CDHR3: variants seen among roughly 807,000 people sequenced by gnomAD.
The protein encoded by CDHR3 is cadherin-related family member 3.
A neutral mutation model predicts 86.6 loss-of-function variants in CDHR3; 79 were observed. That is an observed-to-expected ratio of 0.91 (90% CI 0.76 to 1.10). The LOEUF (loss-of-function observed/expected upper bound fraction) is 1.10, where lower values mean the gene tolerates loss of function less well. Among genes scored for constraint, CDHR3 ranks in the 50% least tolerant of loss-of-function variants. The probability of loss-of-function intolerance (pLI) is 0.00; values close to 1 mark genes in which losing one functional copy is unlikely to be tolerated. For missense variants in CDHR3, 1,081 were observed against 1,077.6 expected (o/e 1.00, Z -0.04); for synonymous variants, 421 against 402.4 (o/e 1.05, Z -0.55).
chr7:105,976,207 G>T lies in CDHR3; in HGVS notation c.249+1161G>T, dbSNP rs147079229. ...TTGGTTCCTGTAAGCCTTGTCAATTGCTTACCCTTATAGAGCACGTTGTGT... is the reference window on the plus strand; with the variant it reads ...TTGGTTCCTGTAAGCCTTGTCAATTTCTTACCCTTATAGAGCACGTTGTGT... On this transcript the variant is annotated intron_variant, in intron 2 of 18. Coordinates refer to ENST00000317716, the MANE Select transcript of CDHR3 (RefSeq NM_152750.5). Among the ~76,000 whole-genome samples, 32 of 152,298 alleles carry T rather than the reference G, an allele frequency of 2.1e-4. 1 individual carries two copies. The East Asian group carries it at 6.2e-3, about 29-fold the overall frequency.
rs376727941 is a variant in CDHR3, at chr7:106,032,509, G to A, written c.2470G>A (p.Val824Ile). 1 of 1,614,048 alleles carries A rather than the reference G, an allele frequency of 6.2e-7. No individual in the cohort carries two copies. Among genetic ancestry groups the A allele is most frequent in the African/African-American group, 1.3e-5 (1 of 75,058 alleles). The change falls in exon 19 of 19, where the codon GTC (valine) becomes ATC (isoleucine). Residue 824 changes from valine to isoleucine, a missense_variant. Physicochemically the swap from Val to Ile is conservative, Grantham distance 29. Coordinates refer to ENST00000317716, the MANE Select transcript of CDHR3 (RefSeq NM_152750.5). The part of the protein sequence containing the change: ...SSHQGAAPRR[V>I]TAGEGMGSLR... ...CCACCAGGGAGCTGCCCCACGCAGA[G>A]TCACTGCTGGGGAAGGGATGGGGTC...
At position 106,015,844 on chromosome 7, in the gene CDHR3, A is replaced by C. The variant is rs757765318; in HGVS notation, c.1328-83A>C. The C allele has an allele frequency of 1.2e-5, 12 of 1,031,554 alleles. No homozygotes were observed. The South Asian group carries it at 1.6e-4, about 14-fold the overall frequency. 63.9% of individuals were successfully genotyped at this position (1,031,554 alleles called of 1,614,324 possible). A position where few individuals can be genotyped will look rare whatever the true frequency, so the allele number is the denominator to read the frequency against. On this transcript the variant is annotated intron_variant, in intron 10 of 18. Coordinates refer to ENST00000317716, the MANE Select transcript of CDHR3 (RefSeq NM_152750.5). Reference sequence around the variant, plus strand: ...TATCCCCTATGCGCAAAGCCTGTACACAGGAGATTCTTTAAAGATGTTGAA... The same window carrying C: ...TATCCCCTATGCGCAAAGCCTGTACCCAGGAGATTCTTTAAAGATGTTGAA...
At chr7:105,971,278 C>CCCTG (rs1297626428) in intron 1 of CDHR3, among the ~76,000 whole-genome samples, 5 of 152,096 alleles carry the variant, frequency 3.3e-5, no homozygotes, top group Admixed American at 2.6e-4. Context: ...CACGGCCTTG[C>CCCTG]CCTGGGAAGA....
chr7:106,007,215 A>G (rs1300448438), intron 8 of CDHR3, among the ~76,000 whole-genome samples: 1 of 152,172 alleles, frequency 6.6e-6, no homozygotes, highest in African/African-American at 2.4e-5. Flanking sequence ...TCTTCCTCCT[A>G]AACCTCTGGG....
Position 105,980,585 on chromosome 7 carries a change from GT to G in CDHR3, c.250-363del, listed in dbSNP as rs56057580. ...GGAGCCTACCCCCAAGTAGTGGAAG[GT>G]TTTTTTTTTTTTTTTTTTTAATTTT... On this transcript the variant is annotated intron_variant, in intron 2 of 18. Transcript: ENST00000317716. 5.9e-3 allele frequency among the ~76,000 whole-genome samples: 620 copies of G among 105,432 alleles called. 8 individuals are homozygous for G. Among genetic ancestry groups the G allele is most frequent in the African/African-American group, 0.021 (578 of 27,294 alleles). The allele number at this position is 105,432 out of a possible 152,430, so 69.2% of individuals were successfully genotyped here. A position where few individuals can be genotyped will look rare whatever the true frequency, so the allele number is the denominator to read the frequency against.
chr7:106,023,953 G>T (rs1001211114), intron 14 of CDHR3, among the ~76,000 whole-genome samples: 1 of 152,116 alleles, frequency 6.6e-6, no homozygotes, highest in Non-Finnish European at 1.5e-5. Context: ...CACTGCTCTG[G>T]CAGTGGCAGC....
chr7:106,027,075 C>A (rs1396198634), intron 16 of CDHR3, among the ~76,000 whole-genome samples: 1 of 152,160 alleles, frequency 6.6e-6, no homozygotes, highest in East Asian at 1.9e-4. Context: ...ACAGCTAATG[C>A]TTTGTGCTGG....
At chr7:106,022,521 C>A in intron 14 of CDHR3, 73 bp downstream of exon 14, 1 of 1,561,290 alleles carries the variant, frequency 6.4e-7, no homozygotes, top group South Asian at 1.2e-5. Flanking sequence ...CTTTCCCCGG[C>A]CTGGAGGTAT....
rs139232828 is a variant in CDHR3 at position 105,993,844 on chromosome 7, C to T, written c.514-907C>T. 5.5e-3 allele frequency among the ~76,000 whole-genome samples: 844 copies of T among 152,248 alleles called. 8 individuals carry two copies. The highest frequency in any genetic ancestry group is 0.019 in the African/African-American group (798 of 41,538). Reference sequence around the variant, plus strand: ...CACGGGCATGGTCTTCCTATGGGCTCACCCTCAGCGGGCTGTACACATAAA... The same window carrying T: ...CACGGGCATGGTCTTCCTATGGGCTTACCCTCAGCGGGCTGTACACATAAA... On this transcript the variant is annotated intron_variant, in intron 4 of 18. Transcript: ENST00000317716.
At chr7:106,018,768 G>A (rs553258217) in intron 12 of CDHR3, among the ~76,000 whole-genome samples, 1 of 152,180 alleles carries the variant, frequency 6.6e-6, no homozygotes, top group Non-Finnish European at 1.5e-5. Flanking sequence ...CAGTTATGCC[G>A]TGTTCCTACC....
chr7:105,984,259 A>C lies in CDHR3; in HGVS notation c.483A>C (p.Pro161=), dbSNP rs987529597. 1.2e-6 allele frequency: 2 copies of C among 1,610,376 alleles called. No individual in the cohort carries two copies. Among genetic ancestry groups the C allele is most frequent in the African/African-American group, 2.7e-5 (2 of 74,904 alleles). ...TTTACCAGGTTGAGGCCTTCGATCCAGAAGACACAAGCCGAAACATTCCCC... is the reference window on the plus strand; with the variant it reads ...TTTACCAGGTTGAGGCCTTCGATCCCGAAGACACAAGCCGAAACATTCCCC... ...GFIYQVEAFD[P]EDTSRNIPLS... Residue 161 remains proline, a synonymous_variant, in exon 4 of 19, where the codon CCA becomes CCC. Transcript: ENST00000317716.
At chr7:105,988,856 T>A (rs575974826) in intron 4 of CDHR3, among the ~76,000 whole-genome samples, 3 of 152,348 alleles carry the variant, frequency 2.0e-5, no homozygotes, top group African/African-American at 7.2e-5. Flanking sequence ...CTCAGTATAC[T>A]CAAAATATTT....
chr7:106,015,331 C>A, intron 10 of CDHR3, 118 bp downstream of exon 10: 2 of 779,234 alleles, frequency 2.6e-6, no homozygotes, highest in Non-Finnish European at 4.0e-6. Flanking sequence ...TGCCCTCATG[C>A]GGGGACCCCC....
In CDHR3 at chr7:106,000,021, TG is replaced by T. The variant is rs993010758; in HGVS notation, c.714-1436del. 6.6e-5 allele frequency among the ~76,000 whole-genome samples: 10 copies of T among 152,352 alleles called. No homozygotes were observed. The South Asian group carries it at 1.9e-3, about 28-fold the overall frequency. ...AGGGACCGAGGGGCTTGGCCCAGCC[TG>T]GGGGCGCTGGGGCCATATCCTTCCC... On this transcript the variant is annotated intron_variant, in intron 6 of 18. Coordinates refer to ENST00000317716, the MANE Select transcript of CDHR3 (RefSeq NM_152750.5).
chr7:106,015,994 C>G lies in CDHR3; in HGVS notation c.1395C>G (p.Ser465=). The G allele has an allele frequency of 1.2e-6, 2 of 1,612,462 alleles. No homozygotes were observed. The highest frequency in any genetic ancestry group is 2.2e-5 in the South Asian group (2 of 90,738). The change falls in exon 11 of 19, where the codon TCC becomes TCG. Residue 465 remains serine, a synonymous_variant. Transcript: ENST00000317716. ...NEFPLIFDRP[S]YVFDVSERRP... ...TTCCTCTCATTTTTGATAGGCCATC[C>G]TATGTATTTGATGTGTCAGAAAGAA... is the stretch of plus-strand genomic sequence containing the variant.
At chr7:105,965,925 A>T (rs1186176584) in intron 1 of CDHR3, among the ~76,000 whole-genome samples, 3 of 152,022 alleles carry the variant, frequency 2.0e-5, no homozygotes, top group Non-Finnish European at 4.4e-5. Flanking sequence ...TTACTGATAC[A>T]CCCCAAATGT....
chr7:105,988,722 G>A (rs1830880429), intron 4 of CDHR3, among the ~76,000 whole-genome samples: 1 of 152,118 alleles, frequency 6.6e-6, no homozygotes, highest in Admixed American at 6.5e-5. Flanking sequence ...TATTGGACCG[G>A]CTCTGTCCAA....
At chr7:105,988,365 C>T (rs1830833635) in intron 4 of CDHR3, among the ~76,000 whole-genome samples, 2 of 152,210 alleles carry the variant, frequency 1.3e-5, no homozygotes, top group South Asian at 4.1e-4. Context: ...CTGGACTGAA[C>T]AAACAAGGAC....
At chr7:105,987,925 C>G (rs1367617305) in intron 4 of CDHR3, among the ~76,000 whole-genome samples, 3 of 152,250 alleles carry the variant, frequency 2.0e-5, no homozygotes, top group Admixed American at 6.5e-5. Context: ...GGTCTTACCT[C>G]TATCACCCAG....
Sources: allele counts gnomAD v4.1 joint callset (sites outside exome capture counted in the v4.1 genomes callset), GRCh38; gene constraint gnomAD v4.1.1; transcripts MANE v1.5; gene names NCBI Gene and HGNC (gene_info 2026-07-23, HGNC 2026-07-21).